LRP1B: variants seen among roughly 807,000 people sequenced by gnomAD.
The protein encoded by LRP1B is low-density lipoprotein receptor-related protein 1B.
Under a neutral mutation model 556.6 loss-of-function variants are expected in LRP1B, and 217 were observed. The observed-to-expected ratio is 0.39, with a 90% CI of 0.35 to 0.44. LRP1B has a LOEUF of 0.44. Among genes scored for constraint, LRP1B ranks in the 20% least tolerant of loss-of-function variants. The probability of loss-of-function intolerance (pLI) is 1.00; values close to 1 mark genes in which losing one functional copy is unlikely to be tolerated. For missense variants in LRP1B, 5,053 were observed against 5,620.8 expected (o/e 0.90, Z 3.23); for synonymous variants, 2,047 against 1,865.8 (o/e 1.10, Z -2.50).
intron 3 of LRP1B, among the ~76,000 whole-genome samples, chr2:141,334,142 A>T (rs952312879): frequency 2.5e-4 from 38 of 152,232 alleles, no homozygotes; most frequent in African/African-American, 8.9e-4. Context: ...ATGAACATAC[A>T]TGATTACTGA....
intron 71 of LRP1B, among the ~76,000 whole-genome samples, chr2:140,366,641 C>T (rs984166593): frequency 6.6e-6 from 1 of 151,506 alleles, no homozygotes. Flanking sequence ...AAGAGTGATG[C>T]CAGACAATAC....
chr2:140,661,820 A>T (rs56128466), intron 41 of LRP1B, among the ~76,000 whole-genome samples: 30,008 of 152,096 alleles, frequency 0.2, 3,605 homozygotes, highest in East Asian at 0.4. Context: ...ATGTCATATG[A>T]CATATGATAC....
In LRP1B at chr2:141,731,674, C is replaced by G. The variant is rs1033178586; in HGVS notation, c.205+78605G>C. 7.2e-5 allele frequency among the ~76,000 whole-genome samples: 11 copies of G among 152,228 alleles called. No individual in the cohort carries two copies. In the East Asian group the frequency reaches 1.5e-3, roughly 21 times the overall value. ...CTGGTTTCCAGCCTCTCGAGCTAGA[C>G]TATCCAGTTCAAAGCCAGACTCCAC... On this transcript the variant is annotated intron_variant, in intron 2 of 90. Transcript: ENST00000389484.
intron 31 of LRP1B, among the ~76,000 whole-genome samples, chr2:140,829,427 A>T (rs1044043898): frequency 6.6e-6 from 1 of 152,222 alleles, no homozygotes; most frequent in Non-Finnish European, 1.5e-5. Context: ...AAATTGTATC[A>T]AGTTTCTCTC....
chr2:141,789,130 A>T (rs1325001460), intron 2 of LRP1B, among the ~76,000 whole-genome samples: 2 of 152,072 alleles, frequency 1.3e-5, no homozygotes, highest in African/African-American at 2.4e-5. Flanking sequence ...CAATGGTTGA[A>T]CTAGTTTACA....
At chr2:142,033,098 A>G (rs1228689375) in intron 1 of LRP1B, among the ~76,000 whole-genome samples, 2 of 151,784 alleles carry the variant, frequency 1.3e-5, no homozygotes, top group Non-Finnish European at 2.9e-5. Flanking sequence ...ACTCCCCACG[A>G]TGAGATTTTG....
intron 40 of LRP1B, among the ~76,000 whole-genome samples, chr2:140,700,862 C>A (rs1448133328): frequency 6.6e-6 from 1 of 152,052 alleles, no homozygotes; most frequent in East Asian, 1.9e-4. Context: ...CCAAGTTAAG[C>A]ATTAAATTTT....
chr2:140,582,849 G>A (rs1200787129), intron 43 of LRP1B, among the ~76,000 whole-genome samples: 2 of 152,090 alleles, frequency 1.3e-5, no homozygotes, highest in African/African-American at 4.8e-5. Flanking sequence ...CAGTTAACAA[G>A]CCCTTTAATT....
intron 18 of LRP1B, among the ~76,000 whole-genome samples, chr2:140,977,607 TG>T (rs199536135): frequency 5.7e-4 from 85 of 148,448 alleles, no homozygotes; most frequent in African/African-American, 1.9e-3. Context: ...CGTTTTTTTT[TG>T]TTGTTGTTCT....
chr2:141,308,582 T>C (rs1003675504), intron 3 of LRP1B, among the ~76,000 whole-genome samples: 4 of 152,224 alleles, frequency 2.6e-5, no homozygotes, highest in African/African-American at 9.6e-5. Flanking sequence ...GACTACCTAG[T>C]ACTGCCTATT....
rs1412988696 is a variant in LRP1B, at chr2:140,838,951, GA to G, written c.5209+1039del. 3.3e-5 allele frequency among the ~76,000 whole-genome samples: 5 copies of G among 152,184 alleles called. No homozygotes were observed. In the East Asian group the frequency reaches 9.7e-4, roughly 29 times the overall value. On this transcript the variant is annotated intron_variant, in intron 31 of 90. Transcript: ENST00000389484. ...TAATATTTTCAAAGATGTTTCTTGG[GA>G]ACAAGTCAAGGTTCCCTGTCAGTGC...
At chr2:142,065,153 A>G (rs1219613889) in intron 1 of LRP1B, among the ~76,000 whole-genome samples, 9 of 151,486 alleles carry the variant, frequency 5.9e-5, no homozygotes, top group Non-Finnish European at 1.3e-4. Context: ...TCATTGTATA[A>G]TGGTATCGAA....
chr2:140,755,781 A>C (rs973573100), intron 35 of LRP1B, among the ~76,000 whole-genome samples: 2 of 152,036 alleles, frequency 1.3e-5, no homozygotes, highest in Non-Finnish European at 2.9e-5. Flanking sequence ...AGAATAAGAC[A>C]AGAATGTGTC....
In LRP1B at chr2:141,725,903, G is replaced by A. The variant is rs573598259; in HGVS notation, c.205+84376C>T. ...TATGTTTCCACCCTGTAATAAGAAG[G>A]CAATAATTTCTACTTTGCAAATTGA... is the stretch of plus-strand genomic sequence containing the variant. On this transcript the variant is annotated intron_variant, in intron 2 of 90. Transcript: ENST00000389484. 4.1e-3 allele frequency among the ~76,000 whole-genome samples: 619 copies of A among 151,668 alleles called. 3 individuals are homozygous for A. The highest frequency in any genetic ancestry group is 6.6e-3 in the Non-Finnish European group (449 of 67,722).
At chr2:141,185,035 G>A (rs1249428) in intron 7 of LRP1B, among the ~76,000 whole-genome samples, 151,867 of 152,146 alleles carry the variant, frequency 1, 75,795 homozygotes, top group Non-Finnish European at 1. Flanking sequence ...TATTCTATTC[G>A]TAATGGTATC....
chr2:141,531,404 A>G (rs1167285782), intron 2 of LRP1B, among the ~76,000 whole-genome samples: 1 of 152,128 alleles, frequency 6.6e-6, no homozygotes, highest in Admixed American at 6.6e-5. Context: ...AACTTGGTCA[A>G]TATCTCCTTT....
rs182665428 is a variant in LRP1B, at chr2:141,763,550, G to A, written c.205+46729C>T. Among the ~76,000 whole-genome samples the A allele has an allele frequency of 1.4e-3, 209 of 152,108 alleles. 1 individual carries two copies. Among genetic ancestry groups the A allele is most frequent in the Admixed American group, 1.8e-3 (28 of 15,284 alleles). On this transcript the variant is annotated intron_variant, in intron 2 of 90. Transcript: ENST00000389484. Reference sequence around the variant, plus strand: ...ATTAAATTAATGTAGCCTTAATGACGGTCAGTGATGGTAAGTTTTTTGTTA... The same window carrying A: ...ATTAAATTAATGTAGCCTTAATGACAGTCAGTGATGGTAAGTTTTTTGTTA...
At chr2:140,349,045 A>G (rs539588098) in intron 77 of LRP1B, among the ~76,000 whole-genome samples, 3 of 152,076 alleles carry the variant, frequency 2.0e-5, no homozygotes, top group Non-Finnish European at 2.9e-5. Context: ...TTGCGCTCCT[A>G]TGAAAATCTA....
chr2:142,015,936 G>A (rs1559023302), intron 1 of LRP1B, among the ~76,000 whole-genome samples: 3 of 129,408 alleles, frequency 2.3e-5, no homozygotes, highest in African/African-American at 8.9e-5. Flanking sequence ...AGCTTGCAGT[G>A]AGCCGAGATC....
Sources: gnomAD v4.1 joint callset for allele counts (sites outside exome capture counted in the v4.1 genomes callset) on GRCh38, gnomAD v4.1.1 for gene constraint, MANE v1.5 for transcripts, NCBI Gene and HGNC (gene_info 2026-07-23, HGNC 2026-07-21) for gene names.